GPC5: variants seen among roughly 807,000 people sequenced by gnomAD.
GPC5 encodes glypican 5, also known as glypican-5.
A neutral mutation model predicts 53.9 loss-of-function variants in GPC5; 47 were observed. The ratio of observed to expected loss-of-function variants is 0.87; its 90% CI spans 0.69 to 1.11. GPC5 has a LOEUF of 1.11. GPC5 is among the 50% of genes most tolerant of loss of function. The pLI is 0.00. For synonymous variants in GPC5, 286 were observed against 263.3 expected (o/e 1.09, Z -0.84); for missense variants, 748 against 713.1 (o/e 1.05, Z -0.56).
At chr13:91,427,241 C>T (rs1879122637) in intron 1 of GPC5, among the ~76,000 whole-genome samples, 1 of 152,178 alleles carries the variant, frequency 6.6e-6, no homozygotes, top group Non-Finnish European at 1.5e-5. Flanking sequence ...GGTAGATCCA[C>T]TGACAACTTG....
chr13:92,853,162 C>A (rs1878872389), intron 7 of GPC5, among the ~76,000 whole-genome samples: 2 of 152,114 alleles, frequency 1.3e-5, no homozygotes, highest in South Asian at 4.1e-4. Context: ...AGAGACTCTA[C>A]TGAGAGAAGA....
intron 7 of GPC5, among the ~76,000 whole-genome samples, chr13:92,205,001 C>T (rs986556324): frequency 1.3e-5 from 2 of 152,098 alleles, no homozygotes; most frequent in Non-Finnish European, 2.9e-5. Flanking sequence ...GCCTCAGCCT[C>T]TCCAGTAGCT....
rs564969343 is a variant in GPC5, at chr13:91,594,280, G to A, written c.326-98907G>A. ...TCAATAGTGTGTGGTGAAAAAAGAG[G>A]CCTTCGAAGGCCTTTGGTAGCTTAG... On this transcript the variant is annotated intron_variant, in intron 2 of 7. Coordinates refer to ENST00000377067, the MANE Select transcript of GPC5 (RefSeq NM_004466.6). Among the ~76,000 whole-genome samples the A allele has an allele frequency of 2.0e-5, 3 of 152,274 alleles. No homozygotes were observed. The South Asian group carries it at 6.2e-4, about 32-fold the overall frequency.
intron 3 of GPC5, among the ~76,000 whole-genome samples, chr13:91,719,237 C>A (rs938265418): frequency 3.9e-5 from 6 of 152,332 alleles, no homozygotes; most frequent in South Asian, 4.1e-4. Context: ...GGTGAGTCAG[C>A]ATCCTGCTGA....
At chr13:92,107,014 T>G (rs185802560) in intron 6 of GPC5, among the ~76,000 whole-genome samples, 22 of 152,258 alleles carry the variant, frequency 1.4e-4, no homozygotes, top group African/African-American at 5.3e-4. Context: ...ATTAATGTAT[T>G]TACATCATTC....
chr13:91,693,281 G>A lies in GPC5; in HGVS notation c.420G>A (p.Ser140=), dbSNP rs151336101. 2.9e-4 allele frequency: 463 copies of A among 1,613,880 alleles called. No homozygotes were observed. Among genetic ancestry groups the A allele is most frequent in the Non-Finnish European group, 3.6e-4 (422 of 1,180,014 alleles). The part of the protein sequence containing the change: ...YRNMALEAAA[S]VQEFFTDVGL... ...ACATGGCCTTGGAGGCTGCTGCTTC[G>A]GTTCAGGAGTTCTTCACTGATGTGG... Residue 140 remains serine (S), a synonymous_variant, in exon 3 of 8, where the codon TCG becomes TCA. Transcript: ENST00000377067.
chr13:91,684,657 C>T (rs895657641), intron 2 of GPC5, among the ~76,000 whole-genome samples: 3 of 152,192 alleles, frequency 2.0e-5, no homozygotes, highest in Non-Finnish European at 4.4e-5. Context: ...TTAGCATAGC[C>T]TTTAAACTGG....
chr13:91,590,146 G>T (rs144336484), intron 2 of GPC5, among the ~76,000 whole-genome samples: 1 of 151,310 alleles, frequency 6.6e-6, no homozygotes, highest in Non-Finnish European at 1.5e-5. Flanking sequence ...ATAAGAAAAA[G>T]TTCTTTATTT....
chr13:91,782,549 C>T (rs761075281), intron 5 of GPC5, among the ~76,000 whole-genome samples: 5 of 152,068 alleles, frequency 3.3e-5, no homozygotes, highest in Non-Finnish European at 5.9e-5. Context: ...ATGGGGGAAC[C>T]GCCCCCATGA....
intron 7 of GPC5, among the ~76,000 whole-genome samples, chr13:92,408,250 C>A (rs1254552034): frequency 2.6e-5 from 4 of 152,184 alleles, no homozygotes; most frequent in Admixed American, 2.0e-4. Flanking sequence ...CCCCAGATGT[C>A]CAAGCCAAGT....
At chr13:92,066,802 A>G (rs1248816246) in intron 6 of GPC5, among the ~76,000 whole-genome samples, 1 of 152,082 alleles carries the variant, frequency 6.6e-6, no homozygotes, top group Admixed American at 6.5e-5. Context: ...GCCTTATTTA[A>G]TATATTTTGT....
intron 5 of GPC5, among the ~76,000 whole-genome samples, chr13:91,844,732 T>G (rs1022484430): frequency 6.7e-6 from 1 of 149,750 alleles, no homozygotes; most frequent in Non-Finnish European, 1.5e-5. Context: ...TTTGTTTTTG[T>G]TTTTTTTTAG....
intron 1 of GPC5, 83 bp from the exon 2 acceptor site, chr13:91,448,678 G>A: frequency 2.1e-6 from 3 of 1,407,752 alleles, no homozygotes; most frequent in Non-Finnish European, 2.9e-6. Flanking sequence ...TTGTGTGCAG[G>A]ACTGGTCATA....
chr13:92,485,591 T>C (rs1018840037), intron 7 of GPC5, among the ~76,000 whole-genome samples: 2 of 152,204 alleles, frequency 1.3e-5, no homozygotes, highest in African/African-American at 4.8e-5. Context: ...CCCAAGTTGA[T>C]TGTTTAATGG....
chr13:91,823,988 G>A (rs981579708), intron 5 of GPC5, among the ~76,000 whole-genome samples: 5 of 151,938 alleles, frequency 3.3e-5, no homozygotes, highest in African/African-American at 7.2e-5. Context: ...TTATCTAATC[G>A]AGACCATTCT....
intron 7 of GPC5, among the ~76,000 whole-genome samples, chr13:92,684,592 T>G (rs1887204789): frequency 6.6e-6 from 1 of 152,144 alleles, no homozygotes; most frequent in Non-Finnish European, 1.5e-5. Flanking sequence ...TATATAGCAC[T>G]GAATAATATT....
intron 7 of GPC5, among the ~76,000 whole-genome samples, chr13:92,751,303 TAAAAAAAAAAAAAA>T (rs71123435): frequency 2.3e-4 from 9 of 38,778 alleles, no homozygotes; most frequent in Admixed American, 7.4e-4. Context: ...CAGAAACATT[TAAAAAAAAAAAAAA>T]AAAAAAAAAA....
chr13:92,693,668 A>G (rs1887477131), intron 7 of GPC5, among the ~76,000 whole-genome samples: 1 of 152,204 alleles, frequency 6.6e-6, no homozygotes, highest in Admixed American at 6.5e-5. Context: ...ACATGTTCGC[A>G]AAGAGAGTAT....
At chr13:91,765,123 A>G (rs1443843320) in intron 5 of GPC5, among the ~76,000 whole-genome samples, 1 of 152,200 alleles carries the variant, frequency 6.6e-6, no homozygotes, top group Non-Finnish European at 1.5e-5. Flanking sequence ...TTACTCTGCC[A>G]CTAGACAGCC....
Sources: allele counts gnomAD v4.1 joint callset (sites outside exome capture counted in the v4.1 genomes callset), GRCh38; gene constraint gnomAD v4.1.1; transcripts MANE v1.5; gene names NCBI Gene and HGNC (gene_info 2026-07-23, HGNC 2026-07-21).